CLEC16A: variants seen among roughly 807,000 people sequenced by gnomAD.
CLEC16A encodes the protein protein CLEC16A.
A neutral mutation model predicts 109.5 loss-of-function variants in CLEC16A; 51 were observed. The ratio of observed to expected loss-of-function variants is 0.47; its 90% CI spans 0.37 to 0.59. CLEC16A has a LOEUF of 0.59. CLEC16A is among the 20% of genes least tolerant of loss of function. CLEC16A has a pLI of 0.00. For synonymous variants in CLEC16A, 673 were observed against 564.2 expected (o/e 1.19, Z -2.73); for missense variants, 1,339 against 1,394.0 (o/e 0.96, Z 0.63).
At chr16:11,125,528 A>C (rs757932726) in intron 21 of CLEC16A, among the ~76,000 whole-genome samples, 2 of 152,242 alleles carry the variant, frequency 1.3e-5, no homozygotes, top group Non-Finnish European at 2.9e-5. Flanking sequence ...TTACACATGT[A>C]CATGCACATC....
In CLEC16A at chr16:11,174,009, C is replaced by T. The variant is rs990892332; in HGVS notation, c.2807-4326C>T. 7 of 353,050 alleles carry T rather than the reference C, an allele frequency of 2.0e-5. No homozygotes were observed. Among genetic ancestry groups the T allele is most frequent in the African/African-American group, 1.5e-4 (7 of 46,450 alleles). 21.9% of individuals were successfully genotyped at this position (353,050 alleles called of 1,614,324 possible). A position where few individuals can be genotyped will look rare whatever the true frequency, so the allele number is the denominator to read the frequency against. The stretch of plus-strand genomic sequence containing the variant: ...GGCCAGCGCCCCATGCACCGGTGGC[C>T]ACAAGCCCATGCTGGGCACTGCCCC... On this transcript the variant is annotated intron_variant, in intron 23 of 23. Coordinates refer to ENST00000409790, the MANE Select transcript of CLEC16A (RefSeq NM_015226.3). The surrounding 1 kb of genome is among the most constrained non-coding windows in gnomAD (Gnocchi z 4.7).
chr16:11,109,532 C>T (rs113906892), intron 19 of CLEC16A, among the ~76,000 whole-genome samples: 2 of 152,288 alleles, frequency 1.3e-5, no homozygotes, highest in Admixed American at 6.5e-5. Flanking sequence ...TGAAAGCCAG[C>T]AATGCTCAGT....
At chr16:11,132,196 A>G (rs1465073227) in intron 22 of CLEC16A, among the ~76,000 whole-genome samples, 1 of 151,658 alleles carries the variant, frequency 6.6e-6, no homozygotes, top group Non-Finnish European at 1.5e-5. Flanking sequence ...TCCCCTCAAA[A>G]GAAAACCCCA....
rs148277503 is a variant in CLEC16A, at chr16:11,140,460, C to A, written c.2641+14314C>A. Among the ~76,000 whole-genome samples, 268 of 152,320 alleles carry A rather than the reference C, an allele frequency of 1.8e-3. 1 individual carries two copies. The highest frequency in any genetic ancestry group is 3.2e-3 in the Non-Finnish European group (216 of 68,022). Reference sequence around the variant, plus strand: ...TTTTGGCCAGATTTCCAGCATGAAGCCCAAGGGAAATGTCCACGGGCTCAG... The same window carrying A: ...TTTTGGCCAGATTTCCAGCATGAAGACCAAGGGAAATGTCCACGGGCTCAG... On this transcript the variant is annotated intron_variant, in intron 22 of 23. Coordinates refer to ENST00000409790, the MANE Select transcript of CLEC16A (RefSeq NM_015226.3).
At chr16:10,982,098 C>A (rs962992406) in intron 9 of CLEC16A, among the ~76,000 whole-genome samples, 1 of 152,208 alleles carries the variant, frequency 6.6e-6, no homozygotes, top group Admixed American at 6.5e-5. Flanking sequence ...ATAAGCCACA[C>A]CCTGTGCTAC....
intron 23 of CLEC16A, among the ~76,000 whole-genome samples, chr16:11,171,726 A>G (rs2068519462): frequency 6.6e-6 from 1 of 152,236 alleles, no homozygotes; most frequent in Admixed American, 6.5e-5. Context: ...AACGTTAGAA[A>G]TATCTTCTGG....
At chr16:11,120,951 A>T (rs545059895) in intron 20 of CLEC16A, among the ~76,000 whole-genome samples, 185 bp downstream of exon 20, 138 of 152,306 alleles carry the variant, frequency 9.1e-4, no homozygotes, top group African/African-American at 3.1e-3. Flanking sequence ...CACAGATAAG[A>T]GCAAAGTCCT....
At chr16:10,989,151 A>G (rs1387421838) in intron 10 of CLEC16A, among the ~76,000 whole-genome samples, 14 of 152,224 alleles carry the variant, frequency 9.2e-5, no homozygotes, top group Non-Finnish European at 1.9e-4. Context: ...CTGTGTGTAT[A>G]CTGTGCTCTC....
At chr16:11,029,814 G>A (rs1253826398) in intron 13 of CLEC16A, among the ~76,000 whole-genome samples, 3 of 152,100 alleles carry the variant, frequency 2.0e-5, no homozygotes, top group Non-Finnish European at 2.9e-5. Context: ...GTAAATACCC[G>A]TGAAATCATC....
chr16:11,069,754 T>TA, intron 19 of CLEC16A, among the ~76,000 whole-genome samples: 1 of 152,226 alleles, frequency 6.6e-6, no homozygotes, highest in South Asian at 2.1e-4. Context: ...AAAATATTTT[T>TA]AAAAAACAAC....
intron 20 of CLEC16A, 53 bp downstream of exon 20, chr16:11,120,819 CA>C: frequency 1.7e-6 from 2 of 1,199,718 alleles, no homozygotes; most frequent in African/African-American, 1.6e-5. Context: ...CAAACACACA[CA>C]CACACACACA....
At chr16:10,949,172 A>G (rs923682298) in intron 1 of CLEC16A, among the ~76,000 whole-genome samples, 6 of 152,194 alleles carry the variant, frequency 3.9e-5, no homozygotes, top group Non-Finnish European at 7.4e-5. Context: ...ACAGACGCAC[A>G]CCTACTCTTG....
chr16:11,058,262 TAC>T (rs916986321), intron 18 of CLEC16A, among the ~76,000 whole-genome samples: 21 of 152,342 alleles, frequency 1.4e-4, no homozygotes, highest in African/African-American at 5.1e-4. Context: ...GATTTTATTA[TAC>T]AGTCATCCCT....
chr16:10,993,135 T>C (rs942677260), intron 10 of CLEC16A, among the ~76,000 whole-genome samples: 3 of 152,152 alleles, frequency 2.0e-5, no homozygotes, highest in African/African-American at 7.2e-5. Flanking sequence ...TTCATGCCTG[T>C]AATCCCACCA....
chr16:11,007,143 G>A (rs1161433208), intron 11 of CLEC16A, among the ~76,000 whole-genome samples: 1 of 152,050 alleles, frequency 6.6e-6, no homozygotes, highest in African/African-American at 2.4e-5. Context: ...AAATAGGGCT[G>A]GACTACTGTT....
chr16:10,978,274 C>T (rs569530187), intron 8 of CLEC16A, among the ~76,000 whole-genome samples: 3 of 152,230 alleles, frequency 2.0e-5, no homozygotes, highest in African/African-American at 4.8e-5. Flanking sequence ...GTTCTCAGGG[C>T]CCCCCTGTGA....
chr16:10,994,455 C>T (rs1005340996), intron 10 of CLEC16A, among the ~76,000 whole-genome samples: 12 of 152,166 alleles, frequency 7.9e-5, no homozygotes, highest in South Asian at 2.1e-4. Context: ...ACTCATCACC[C>T]GGCTTCCTTT....
intron 19 of CLEC16A, among the ~76,000 whole-genome samples, chr16:11,061,445 A>T (rs560370558): frequency 6.6e-6 from 1 of 152,248 alleles, no homozygotes; most frequent in African/African-American, 2.4e-5. Flanking sequence ...ACCAGTGTTT[A>T]GGTAAGGATG....
At chr16:11,170,956 G>A (rs1253422771) in intron 23 of CLEC16A, among the ~76,000 whole-genome samples, 2 of 152,188 alleles carry the variant, frequency 1.3e-5, no homozygotes, top group Non-Finnish European at 2.9e-5. Context: ...AGGGGTTGGT[G>A]AGGCCCTGGT....
Sources: gnomAD v4.1 joint callset for allele counts (sites outside exome capture counted in the v4.1 genomes callset) on GRCh38, gnomAD v4.1.1 for gene constraint, Gnocchi (gnomAD v3.1) non-coding constraint, MANE v1.5 for transcripts, NCBI Gene and HGNC (gene_info 2026-07-23, HGNC 2026-07-21) for gene names.